Variants in TBL1XR1 observed in about 807,000 individuals in gnomAD.
TBL1XR1 encodes the protein F-box-like/WD repeat-containing protein TBL1XR1.
A neutral mutation model predicts 66.9 loss-of-function variants in TBL1XR1; 5 were observed. The observed-to-expected ratio is 0.07, with a 90% confidence interval of 0.04 to 0.16. The LOEUF is 0.16. Among genes scored for constraint, TBL1XR1 ranks in the 10% least tolerant of loss-of-function variants. The pLI, the probability that TBL1XR1 is intolerant of heterozygous loss-of-function variation, is 1.00. For missense variants in TBL1XR1, 238 were observed against 623.2 expected (o/e 0.38, Z 6.58); for synonymous variants, 210 against 206.0 (o/e 1.02, Z -0.17).
intron 1 of TBL1XR1, among the ~76,000 whole-genome samples, chr3:177,181,471 C>T (rs1283351519): frequency 2.4e-5 from 3 of 125,496 alleles, no homozygotes; most frequent in Non-Finnish European, 5.1e-5. Flanking sequence ...CAGAGCCAGA[C>T]TCCGTCTTAA....
intron 2 of TBL1XR1, among the ~76,000 whole-genome samples, chr3:177,081,665 G>T (rs368150920): frequency 3.3e-5 from 5 of 151,370 alleles, no homozygotes; most frequent in East Asian, 3.9e-4. Flanking sequence ...TTGAAACCAG[G>T]AGGTCTCTGA....
intron 1 of TBL1XR1, among the ~76,000 whole-genome samples, chr3:177,162,724 G>A (rs939095110): frequency 6.6e-6 from 1 of 152,154 alleles, no homozygotes; most frequent in South Asian, 2.1e-4. Context: ...TGTATACTTT[G>A]CCTTATGTAA....
At chr3:177,042,230 A>G (rs1715685642) in intron 10 of TBL1XR1, among the ~76,000 whole-genome samples, 1 of 152,162 alleles carries the variant, frequency 6.6e-6, no homozygotes, top group South Asian at 2.1e-4. Flanking sequence ...TATTGTTAAC[A>G]AGTGCAAAAA....
intron 2 of TBL1XR1, among the ~76,000 whole-genome samples, chr3:177,093,235 T>G (rs928886398): frequency 6.6e-6 from 1 of 151,812 alleles, no homozygotes; most frequent in African/African-American, 2.4e-5. Context: ...GCTGCAAAAA[T>G]AAAATAAAAT....
At chr3:177,190,392 T>G (rs1361925750) in intron 1 of TBL1XR1, among the ~76,000 whole-genome samples, 1 of 152,178 alleles carries the variant, frequency 6.6e-6, no homozygotes, top group African/African-American at 2.4e-5. Flanking sequence ...CTCAGTTCAC[T>G]GCAGCCTCCG....
At chr3:177,141,312 T>C (rs1729599368) in intron 1 of TBL1XR1, among the ~76,000 whole-genome samples, 1 of 152,182 alleles carries the variant, frequency 6.6e-6, no homozygotes, top group African/African-American at 2.4e-5. Flanking sequence ...AAAACTGATT[T>C]TGATTTCTAA....
Position 177,032,976 on chromosome 3 carries a change from T to A in TBL1XR1, c.1411A>T (p.Thr471Ser). The change falls in exon 14 of 16, where the codon ACG (threonine) becomes TCG (serine). Residue 471 changes from threonine to serine, a missense_variant. Thr to Ser is a moderately conservative substitution (Grantham distance 58). Coordinates refer to ENST00000457928, the MANE Select transcript of TBL1XR1 (RefSeq NM_024665.7). ...TTTAAATAATGAAGACATACCTGCG[T>A]GTTCCAGATGTGTACACATTTGTCA... ...SFDKCVHIWN[T>S]QTGALVHSYR... 1 of 1,576,368 alleles carries A rather than the reference T, an allele frequency of 6.3e-7. No homozygotes were observed. Among genetic ancestry groups the A allele is most frequent in the Non-Finnish European group, 8.6e-7 (1 of 1,159,754 alleles).
intron 1 of TBL1XR1, among the ~76,000 whole-genome samples, chr3:177,170,327 T>C (rs929801451): frequency 6.6e-6 from 1 of 152,166 alleles, no homozygotes; most frequent in African/African-American, 2.4e-5. Context: ...ACCTAACTCA[T>C]AAATTACTAT....
chr3:177,137,961 C>A (rs1028921339), intron 1 of TBL1XR1, among the ~76,000 whole-genome samples: 1 of 152,146 alleles, frequency 6.6e-6, no homozygotes. Context: ...CAGAGCAAGA[C>A]CCTGTCTCAA....
chr3:177,109,222 T>C (rs1219965773), intron 1 of TBL1XR1, among the ~76,000 whole-genome samples: 2 of 152,200 alleles, frequency 1.3e-5, no homozygotes, highest in Admixed American at 6.5e-5. Context: ...TTCCCAATTT[T>C]TTAATTGAAC....
chr3:177,041,512 CA>C (rs1715582776), intron 10 of TBL1XR1, among the ~76,000 whole-genome samples: 1 of 152,208 alleles, frequency 6.6e-6, no homozygotes, highest in Non-Finnish European at 1.5e-5. Flanking sequence ...TCACTTCACT[CA>C]AATGTTTGGC....
intron 1 of TBL1XR1, among the ~76,000 whole-genome samples, chr3:177,189,159 G>C (rs914458325): frequency 6.6e-6 from 1 of 151,844 alleles, no homozygotes; most frequent in Admixed American, 6.6e-5. Context: ...AGTGAGCCAA[G>C]ATCATGCCAC....
At chr3:177,134,889 GGAT>G (rs1277726669) in intron 1 of TBL1XR1, among the ~76,000 whole-genome samples, 23 of 150,974 alleles carry the variant, frequency 1.5e-4, no homozygotes, top group Non-Finnish European at 3.4e-4. Context: ...AAATAATGAT[GGAT>G]AATAAAAGCC....
At position 177,090,805 on chromosome 3, in the gene TBL1XR1, G is replaced by A. The variant is rs372425011; in HGVS notation, c.-46+7661C>T. Among the ~76,000 whole-genome samples the A allele has an allele frequency of 7.8e-4, 118 of 151,996 alleles. 1 individual carries two copies. The South Asian group carries it at 0.015, about 19-fold the overall frequency. On this transcript the variant is annotated intron_variant, in intron 2 of 15. Coordinates refer to ENST00000457928, the MANE Select transcript of TBL1XR1 (RefSeq NM_024665.7). ...CAGCTGGGCGACAGAGCGAGACTCC[G>A]TCTCGAAATAAAATAAAATAGAAGT...
intron 1 of TBL1XR1, among the ~76,000 whole-genome samples, chr3:177,175,067 A>C (rs957905754): frequency 2.0e-5 from 3 of 152,194 alleles, no homozygotes; most frequent in African/African-American, 4.8e-5. Context: ...CCTTCTTCTC[A>C]TGTCTTATTT....
At chr3:177,094,718 T>G (rs894241769) in intron 2 of TBL1XR1, among the ~76,000 whole-genome samples, 2 of 152,070 alleles carry the variant, frequency 1.3e-5, no homozygotes, top group Non-Finnish European at 2.9e-5. Flanking sequence ...AACTCAGGAA[T>G]GGAAAACCAT....
chr3:177,200,251 C>T (rs1737312955), upstream of TBL1XR1, among the ~76,000 whole-genome samples: 2 of 152,156 alleles, frequency 1.3e-5, no homozygotes, highest in Non-Finnish European at 2.9e-5. Context: ...GGATTACAGG[C>T]GTGAGCCACT....
intron 2 of TBL1XR1, among the ~76,000 whole-genome samples, chr3:177,097,992 C>T (rs114465844): frequency 2.2e-3 from 332 of 152,164 alleles, no homozygotes; most frequent in Non-Finnish European, 3.7e-3. Context: ...GGATCACCTG[C>T]GGTCAGGGGT....
At chr3:177,192,575 CTTT>C (rs1435144199) in intron 1 of TBL1XR1, among the ~76,000 whole-genome samples, 1 of 152,116 alleles carries the variant, frequency 6.6e-6, no homozygotes, top group Non-Finnish European at 1.5e-5. Context: ...TAAACCACAA[CTTT>C]TTAAGAGTAA....
Sources: allele counts gnomAD v4.1 joint callset (sites outside exome capture counted in the v4.1 genomes callset), GRCh38; gene constraint gnomAD v4.1.1; transcripts MANE v1.5; gene names NCBI Gene and HGNC (gene_info 2026-07-23, HGNC 2026-07-21).